The following FRMD4A variants were observed in gnomAD, a reference collection of about 807,000 sequenced individuals.
The protein encoded by FRMD4A is FERM domain-containing protein 4A.
In FRMD4A, 29 loss-of-function variants were observed where a neutral mutation model predicts 129.1. The observed-to-expected ratio is 0.22, with a 90% confidence interval of 0.17 to 0.31. The LOEUF (loss-of-function observed/expected upper bound fraction) is 0.31. Ranked by LOEUF, FRMD4A falls within the 10% of genes least tolerant of loss-of-function variation. FRMD4A has a pLI of 1.00. For missense variants in FRMD4A, 1,272 were observed against 1,375.8 expected (o/e 0.92, Z 1.19); for synonymous variants, 634 against 571.6 (o/e 1.11, Z -1.56).
chr10:14,035,997 G>A (rs1436197915), intron 2 of FRMD4A, among the ~76,000 whole-genome samples: 1 of 149,588 alleles, frequency 6.7e-6, no homozygotes, highest in Non-Finnish European at 1.5e-5. Flanking sequence ...AGCCGACATC[G>A]TGCCATTGCA....
chr10:13,673,586 G>GCACACACA (rs201822371), intron 16 of FRMD4A, among the ~76,000 whole-genome samples: 1 of 149,810 alleles, frequency 6.7e-6, no homozygotes, highest in African/African-American at 2.5e-5. Context: ...GCGTGCGCGC[G>GCACACACA]CGCACACACA....
At chr10:14,052,125 C>A (rs1378185740) in intron 2 of FRMD4A, among the ~76,000 whole-genome samples, 1 of 152,102 alleles carries the variant, frequency 6.6e-6, no homozygotes, top group Non-Finnish European at 1.5e-5. Flanking sequence ...CCAATGGATG[C>A]CAAGTATGCC....
chr10:13,862,213 T>C (rs1299948267), intron 2 of FRMD4A, among the ~76,000 whole-genome samples: 1 of 152,244 alleles, frequency 6.6e-6, no homozygotes, highest in Non-Finnish European at 1.5e-5. Flanking sequence ...CTTCGTTTTA[T>C]CATAAAAGGT....
intron 2 of FRMD4A, among the ~76,000 whole-genome samples, chr10:13,948,902 G>A (rs1036378161): frequency 6.6e-6 from 1 of 150,812 alleles, no homozygotes; most frequent in Admixed American, 6.6e-5. Context: ...TGCCCGCCTC[G>A]GCCTCCCAAA....
chr10:13,913,657 G>A (rs1419528159), intron 2 of FRMD4A, among the ~76,000 whole-genome samples: 1 of 152,080 alleles, frequency 6.6e-6, no homozygotes, highest in African/African-American at 2.4e-5. Context: ...AACATGCCAG[G>A]ACCTCAGTAG....
intron 2 of FRMD4A, among the ~76,000 whole-genome samples, chr10:14,321,424 AAAGTGTACATTCAG>A (rs1413367588): frequency 1.3e-5 from 2 of 152,040 alleles, no homozygotes; most frequent in Non-Finnish European, 2.9e-5. Context: ...CAAAGAATAG[AAAGTGTACATTCAG>A]AAGTGCACAG....
At chr10:13,970,518 C>T (rs555947934) in intron 2 of FRMD4A, among the ~76,000 whole-genome samples, 107 of 152,272 alleles carry the variant, frequency 7.0e-4, no homozygotes, top group African/African-American at 2.4e-3. Context: ...AATACAAAGG[C>T]CAGCTGTGCA....
intron 2 of FRMD4A, among the ~76,000 whole-genome samples, chr10:14,250,212 C>T (rs181431585): frequency 2.5e-3 from 385 of 152,294 alleles, no homozygotes; most frequent in African/African-American, 3.8e-3. Context: ...CTGCCTGCCT[C>T]GGCCTCCCAA....
rs113033427 is a variant in FRMD4A at position 14,043,801 on chromosome 10, T to G, written c.46-184889A>C. On this transcript the variant is annotated intron_variant, in intron 2 of 24. Transcript: ENST00000357447. ...TAGGTTAGTGGTACCATCATTCAACTAGGTGTCCGGTCCCAGATCTCTGGG... is the reference window on the plus strand; with the variant it reads ...TAGGTTAGTGGTACCATCATTCAACGAGGTGTCCGGTCCCAGATCTCTGGG... Among the ~76,000 whole-genome samples the G allele has an allele frequency of 2.4e-3, 363 of 152,304 alleles. 1 individual carries two copies. Among genetic ancestry groups the G allele is most frequent in the African/African-American group, 7.5e-3 (313 of 41,572 alleles).
At chr10:14,239,233 G>A (rs556171735) in intron 2 of FRMD4A, among the ~76,000 whole-genome samples, 1 of 152,318 alleles carries the variant, frequency 6.6e-6, no homozygotes, top group East Asian at 1.9e-4. Flanking sequence ...ATAACCCTAC[G>A]TGGCTTAATA....
intron 2 of FRMD4A, among the ~76,000 whole-genome samples, chr10:14,205,837 A>C (rs1842766960): frequency 6.8e-6 from 1 of 146,384 alleles, no homozygotes; most frequent in South Asian, 2.2e-4. Flanking sequence ...AAAGGGAATT[A>C]TGTTTACTCT....
intron 2 of FRMD4A, among the ~76,000 whole-genome samples, chr10:14,122,177 G>T (rs1177055072): frequency 6.6e-6 from 1 of 152,164 alleles, no homozygotes; most frequent in Non-Finnish European, 1.5e-5. Context: ...GCTTTGTAAA[G>T]GATGTTGTGG....
intron 2 of FRMD4A, among the ~76,000 whole-genome samples, chr10:14,282,378 G>C (rs1845549921): frequency 6.6e-6 from 1 of 152,154 alleles, no homozygotes; most frequent in Non-Finnish European, 1.5e-5. Context: ...TTGCAGACAA[G>C]ATAAACTAGC....
At chr10:13,928,335 T>G (rs1350866211) in intron 2 of FRMD4A, among the ~76,000 whole-genome samples, 6 of 152,218 alleles carry the variant, frequency 3.9e-5, no homozygotes, top group Non-Finnish European at 7.4e-5. Flanking sequence ...GATTTTTTTT[T>G]TTGTTTTAAG....
chr10:13,957,462 C>T (rs761552929), intron 2 of FRMD4A, among the ~76,000 whole-genome samples: 22 of 152,104 alleles, frequency 1.4e-4, no homozygotes, highest in Non-Finnish European at 2.8e-4. Context: ...ACCATGTTGA[C>T]CAGGCTGGTC....
intron 6 of FRMD4A, among the ~76,000 whole-genome samples, chr10:13,769,442 G>A (rs1280503284): frequency 6.6e-6 from 1 of 152,088 alleles, no homozygotes; most frequent in Non-Finnish European, 1.5e-5. Context: ...CTGAGTAGCT[G>A]GGATTACAGG....
intron 2 of FRMD4A, chr10:14,007,095 G>A (rs1452750930): frequency 1.3e-5 from 2 of 151,850 alleles, no homozygotes; most frequent in Non-Finnish European, 2.9e-5. Flanking sequence ...ACCAGAAAAA[G>A]TCACTTGAAT....
At chr10:13,778,010 T>C (rs1434594019) in intron 6 of FRMD4A, among the ~76,000 whole-genome samples, 2 of 151,576 alleles carry the variant, frequency 1.3e-5, no homozygotes, top group East Asian at 3.9e-4. Flanking sequence ...ACCATGTTGG[T>C]CAGGCTGGTC....
chr10:14,271,533 CCA>C (rs928992312), intron 2 of FRMD4A, among the ~76,000 whole-genome samples: 22 of 152,294 alleles, frequency 1.4e-4, no homozygotes, highest in African/African-American at 5.3e-4. Context: ...TAGGCTCACT[CCA>C]CACAGAGAGT....
Sources: allele counts gnomAD v4.1 joint callset (sites outside exome capture counted in the v4.1 genomes callset), GRCh38; gene constraint gnomAD v4.1.1; transcripts MANE v1.5; gene names NCBI Gene and HGNC (gene_info 2026-07-23, HGNC 2026-07-21).